NPAS1: variants seen among roughly 807,000 people sequenced by gnomAD.
NPAS1 encodes neuronal PAS domain-containing protein 1.
In NPAS1, 29 loss-of-function variants were observed where a neutral mutation model predicts 49.2. The observed-to-expected ratio is 0.59, with a 90% CI of 0.44 to 0.80. The LOEUF (loss-of-function observed/expected upper bound fraction) is 0.80, where lower values mean the gene tolerates loss of function less well. NPAS1 is among the 30% of genes least tolerant of loss of function. The pLI, the probability that NPAS1 is intolerant of heterozygous loss-of-function variation, is 0.00. For synonymous variants in NPAS1, 408 were observed against 380.4 expected (o/e 1.07, Z -0.84); for missense variants, 825 against 835.5 (o/e 0.99, Z 0.15).
chr19:47,036,806 C>G lies in NPAS1; in HGVS notation c.688+677C>G, dbSNP rs76801238. Among the ~76,000 whole-genome samples, 16 of 151,718 alleles carry G rather than the reference C, an allele frequency of 1.1e-4. No homozygotes were observed. In the East Asian group the frequency reaches 2.9e-3, roughly 28 times the overall value. ...CTGAGGCAGAAGGATCACTTGAACC[C>G]AGGAGATGGATGTTGCAGTGAGCAG... On this transcript the variant is annotated intron_variant, in intron 6 of 11. Transcript: ENST00000602212.
rs761643174 is a variant in NPAS1 at position 47,040,525 on chromosome 19, G to A, written c.1044G>A (p.Thr348=). Residue 348 remains threonine, a synonymous_variant, in exon 9 of 12, where the codon ACG becomes ACA. Coordinates refer to ENST00000602212, the MANE Select transcript of NPAS1 (RefSeq NM_002517.4). ...AGTTTGTCCACGGACAGGACGCCACGAGGATCCGCCAGAGCCACGTGGACT... is the reference window on the plus strand; with the variant it reads ...AGTTTGTCCACGGACAGGACGCCACAAGGATCCGCCAGAGCCACGTGGACT... ...CYQFVHGQDA[T]RIRQSHVDLL... The A allele has an allele frequency of 3.8e-5, 60 of 1,595,278 alleles. No individual in the cohort carries two copies. The highest frequency in any genetic ancestry group is 4.5e-5 in the South Asian group (4 of 88,030).
In NPAS1 at chr19:47,033,975, TAAAAAAAAAAAAAAAAAAAAAAAAA is replaced by T. The variant is rs532811476; in HGVS notation, c.522+1265_522+1289del. Among the ~76,000 whole-genome samples, 321 of 100,836 alleles carry T rather than the reference TAAAAAAAAAAAAAAAAAAAAAAAAA, an allele frequency of 3.2e-3. 5 individuals are homozygous for T. The highest frequency in any genetic ancestry group is 0.011 in the African/African-American group (277 of 25,536). 66.2% of individuals were successfully genotyped at this position (100,836 alleles called of 152,430 possible). On this transcript the variant is annotated intron_variant, in intron 5 of 11. Transcript: ENST00000602212. Reference sequence around the variant, plus strand: ...TGGACAACAAAGTGAGGCTATGCCTTAAAAAAAAAAAAAAAAAAAAAAAAAAAAAAAAAAAAAAAAAAAAAAGGGC... The same window carrying T: ...TGGACAACAAAGTGAGGCTATGCCTTAAAAAAAAAAAAAAAAAAAAAGGGC...
At chr19:47,040,315 G>A (rs577500056) in intron 8 of NPAS1, 129 bp from the exon 9 acceptor site, 67 of 619,482 alleles carry the variant, frequency 1.1e-4, no homozygotes, top group Non-Finnish European at 1.6e-4. Context: ...GAGCCACCGC[G>A]CCTGCCAACA....
rs777229044 is a variant in NPAS1, at chr19:47,045,355, G to A, written c.1477G>A (p.Glu493Lys). The A allele has an allele frequency of 1.9e-6, 3 of 1,613,768 alleles. No homozygotes were observed. Among genetic ancestry groups the A allele is most frequent in the Non-Finnish European group, 2.5e-6 (3 of 1,179,972 alleles). The change falls in exon 12 of 12, where the codon GAG becomes AAG. Residue 493 changes from glutamate (E) to lysine (K), a missense_variant. Coordinates refer to ENST00000602212, the MANE Select transcript of NPAS1 (RefSeq NM_002517.4). ...CAGCCACCCGGCCACACCGAGGCCC[G>A]AGTTCACCTCTGTCATCCGGGCAGG... is the stretch of plus-strand genomic sequence containing the variant. The part of the protein sequence containing the change: ...PSSHPATPRP[E>K]FTSVIRAGVL...
intron 9 of NPAS1, 178 bp downstream of exon 9, chr19:47,040,728 G>A: frequency 1.7e-6 from 1 of 594,550 alleles, no homozygotes; most frequent in Non-Finnish European, 3.0e-6. Context: ...GATGCCTCAG[G>A]ATGTGTGTGT....
intron 6 of NPAS1, 100 bp from the exon 7 acceptor site, chr19:47,038,936 G>A (rs753889311): frequency 5.8e-5 from 57 of 985,808 alleles, no homozygotes; most frequent in African/African-American, 1.9e-4. Context: ...GTGGCCCAGC[G>A]GACATCTTGT....
At position 47,029,363 on chromosome 19, in the gene NPAS1, C is replaced by T. The variant is rs138690602; in HGVS notation, c.359-2915C>T. On this transcript the variant is annotated intron_variant, in intron 3 of 11. Transcript: ENST00000602212. ...CCTCTCAAAGTGCTGAGATTATAGGCGTGAGCCACTGCACCCGGCCTTAGT... is the reference window on the plus strand; with the variant it reads ...CCTCTCAAAGTGCTGAGATTATAGGTGTGAGCCACTGCACCCGGCCTTAGT... 3.1e-4 allele frequency among the ~76,000 whole-genome samples: 47 copies of T among 149,796 alleles called. No individual in the cohort carries two copies. The East Asian group carries it at 8.6e-3, about 27-fold the overall frequency.
At chr19:47,030,609 T>C (rs1235467888) in intron 3 of NPAS1, among the ~76,000 whole-genome samples, 5 of 150,134 alleles carry the variant, frequency 3.3e-5, no homozygotes. Context: ...AGATCACAGG[T>C]ATGAGCCACC....
chr19:47,028,660 G>C (rs1019806274), intron 3 of NPAS1, among the ~76,000 whole-genome samples: 6 of 152,134 alleles, frequency 3.9e-5, no homozygotes, highest in African/African-American at 1.2e-4. Context: ...GGCACAGAGC[G>C]GCAGAGAGGC....
intron 8 of NPAS1, 24 bp from the exon 9 acceptor site, chr19:47,040,420 C>T (rs2057005312): frequency 6.5e-7 from 1 of 1,530,896 alleles, no homozygotes; most frequent in Non-Finnish European, 8.9e-7. Flanking sequence ...TTGGACTCCT[C>T]CCCTCTTCTC....
At chr19:47,038,698 G>A (rs1479400455) in intron 6 of NPAS1, among the ~76,000 whole-genome samples, 2 of 152,110 alleles carry the variant, frequency 1.3e-5, no homozygotes, top group African/African-American at 4.8e-5. Context: ...ATGGTAGCAT[G>A]TGCCTGTAAT....
intron 7 of NPAS1, 101 bp downstream of exon 7, chr19:47,039,252 C>CT (rs2056992661): frequency 6.9e-7 from 1 of 1,452,984 alleles, no homozygotes; most frequent in Non-Finnish European, 9.4e-7. Flanking sequence ...CTGCAGGTGG[C>CT]TTAGGGAACT....
At chr19:47,026,908 C>G (rs2056874414) in intron 3 of NPAS1, among the ~76,000 whole-genome samples, 1 of 151,462 alleles carries the variant, frequency 6.6e-6, no homozygotes, top group African/African-American at 2.4e-5. Context: ...AGCTGAGATC[C>G]TGCCACTGCA....
intron 3 of NPAS1, among the ~76,000 whole-genome samples, chr19:47,027,510 A>G (rs201069724): frequency 0.42 from 4,418 of 10,644 alleles, 613 homozygotes; most frequent in Admixed American, 0.46. Flanking sequence ...CTGGTCTCCC[A>G]TCTCTCTGCC....
rs1179705229 is a variant in NPAS1 at position 47,021,035 on chromosome 19, G to A, written c.-13G>A. On this transcript the variant is annotated 5_prime_UTR_variant, in exon 2 of 12. Coordinates refer to ENST00000602212, the MANE Select transcript of NPAS1 (RefSeq NM_002517.4). The surrounding 1 kb of genome is among the most constrained non-coding windows in gnomAD (Gnocchi z 5.7). ...CTCGGGGCTCGGAGCCCGCCTGAGC[G>A]AGCCCCCCGGAGATGGCGGCCCCCT... is the stretch of plus-strand genomic sequence containing the variant. The A allele has an allele frequency of 6.3e-7, 1 of 1,594,968 alleles. No homozygotes were observed. The highest frequency in any genetic ancestry group is 8.5e-7 in the Non-Finnish European group (1 of 1,173,124).
At chr19:47,035,535 G>T (rs990934215) in intron 5 of NPAS1, among the ~76,000 whole-genome samples, 5 of 152,196 alleles carry the variant, frequency 3.3e-5, no homozygotes, top group African/African-American at 1.2e-4. Flanking sequence ...TGATTGAAAA[G>T]CTCTAACTCT....
chr19:47,037,212 C>T (rs754857153), intron 6 of NPAS1, among the ~76,000 whole-genome samples: 14 of 150,722 alleles, frequency 9.3e-5, no homozygotes, highest in Admixed American at 1.3e-4. Context: ...ATTAGCCGGG[C>T]GTGGTGCAGG....
At chr19:47,035,889 G>C (rs2056948675) in intron 5 of NPAS1, 75 bp from the exon 6 acceptor site, 7 of 1,425,170 alleles carry the variant, frequency 4.9e-6, no homozygotes, top group Middle Eastern at 2.3e-4. Context: ...ATGAGGCAAG[G>C]CTGAGCCCAG....
chr19:47,032,379 G>C (rs781262150), intron 4 of NPAS1, 28 bp downstream of exon 4: 7 of 1,610,446 alleles, frequency 4.3e-6, no homozygotes, highest in Non-Finnish European at 5.9e-6. Flanking sequence ...CCTGCCTGCC[G>C]CTCCTTGCTA....
Sources: gnomAD v4.1 joint callset for allele counts (sites outside exome capture counted in the v4.1 genomes callset) on GRCh38, gnomAD v4.1.1 for gene constraint, Gnocchi (gnomAD v3.1) non-coding constraint, MANE v1.5 for transcripts, NCBI Gene and HGNC (gene_info 2026-07-23, HGNC 2026-07-21) for gene names.